The following COL5A2 variants were observed in gnomAD, a reference collection of about 807,000 sequenced individuals.
The protein encoded by COL5A2 is collagen type V alpha 2 chain.
COL5A2 carries 23 observed loss-of-function variants against 208.2 expected under a neutral mutation model. The ratio of observed to expected loss-of-function variants is 0.11; its 90% CI spans 0.08 to 0.16. COL5A2 has a LOEUF of 0.16. Ranked by LOEUF, COL5A2 falls within the 10% of genes least tolerant of loss-of-function variation. The pLI, the probability that COL5A2 is intolerant of heterozygous loss-of-function variation, is 1.00. For synonymous variants in COL5A2, 625 were observed against 628.5 expected (o/e 0.99, Z 0.08); for missense variants, 1,590 against 1,956.4 (o/e 0.81, Z 3.53).
chr2:189,031,908 A>G lies in COL5A2; in HGVS notation c.*2162T>C, dbSNP rs1322904395. 6.6e-6 allele frequency: 1 copy of G among 152,110 alleles called. No individual in the cohort carries two copies. The highest frequency in any genetic ancestry group is 2.4e-5 in the African/African-American group (1 of 41,430). The allele number at this position is 152,110 out of a possible 1,614,324, so 9.4% of individuals were successfully genotyped here. Reference sequence around the variant, plus strand: ...TTGAGAGCTTTGGAATGGTCTGGGCAGGCTTTTATTGGTAGCATTCCCAAA... The same window carrying G: ...TTGAGAGCTTTGGAATGGTCTGGGCGGGCTTTTATTGGTAGCATTCCCAAA... On this transcript the variant is annotated 3_prime_UTR_variant, in exon 54 of 54. Coordinates refer to ENST00000374866, the MANE Select transcript of COL5A2 (RefSeq NM_000393.5).
chr2:189,035,063 A>G lies in COL5A2; in HGVS notation c.4206T>C (p.Thr1402=), dbSNP rs781206503. Residue 1402 remains threonine, a synonymous_variant, in exon 53 of 54, where the codon ACT becomes ACC. Transcript: ENST00000374866. ...ATCCTACACTGTTTTTACAGATGTA[A>G]GTGATGTTCTGGGAGGCTTCTTTTG... ...LLSKEASQNI[T]YICKNSVGYM... is the part of the protein sequence containing the mutation. The G allele has an allele frequency of 4.3e-6, 7 of 1,613,876 alleles. No individual in the cohort carries two copies. In the South Asian group the frequency reaches 7.7e-5, roughly 18 times the overall value.
chr2:189,132,786 T>C (rs1414721560), intron 1 of COL5A2, among the ~76,000 whole-genome samples: 1 of 151,784 alleles, frequency 6.6e-6, no homozygotes, highest in Non-Finnish European at 1.5e-5. Flanking sequence ...CTGGGTGTGG[T>C]AGTGCACACC....
At chr2:189,424,902 C>A in the COL5A2 span, among the ~76,000 whole-genome samples, 38 of 152,260 alleles carry the variant, frequency 2.5e-4, no homozygotes, top group African/African-American at 9.1e-4. Flanking sequence ...TACCTGACTT[C>A]AAGATATATT....
chr2:189,045,964 C>T (rs564955666), intron 45 of COL5A2, 57 bp from the exon 46 acceptor site: 1 of 1,421,286 alleles, frequency 7.0e-7, no homozygotes, highest in South Asian at 1.2e-5. Context: ...CAACAATATT[C>T]CATATGTTCA....
chr2:189,321,514 T>A, the COL5A2 span, among the ~76,000 whole-genome samples: 2 of 152,238 alleles, frequency 1.3e-5, no homozygotes, highest in South Asian at 4.2e-4. Flanking sequence ...GGGGTTGCAA[T>A]CCTAGTCTCT....
chr2:189,084,584 C>G (rs899893149), intron 11 of COL5A2, among the ~76,000 whole-genome samples: 1 of 152,112 alleles, frequency 6.6e-6, no homozygotes, highest in Non-Finnish European at 1.5e-5. Flanking sequence ...ATGGCCTACC[C>G]ATAATTTGAT....
chr2:189,124,507 C>A (rs1375767632), intron 1 of COL5A2, among the ~76,000 whole-genome samples: 1 of 152,102 alleles, frequency 6.6e-6, no homozygotes, highest in Admixed American at 6.6e-5. Flanking sequence ...AAACATGACT[C>A]CGTTCAGCAA....
Position 189,159,866 on chromosome 2 carries a change from C to T in COL5A2, c.97+19642G>A, listed in dbSNP as rs13389070. 3.4e-3 allele frequency among the ~76,000 whole-genome samples: 516 copies of T among 151,548 alleles called. 2 individuals carry two copies. Among genetic ancestry groups the T allele is most frequent in the African/African-American group, 0.012 (486 of 41,300 alleles). ...CTGCACTCCAGCCTGGGTGGCAGAG[C>T]GGGACCCTGTCTCAAAAAATAATAA... On this transcript the variant is annotated intron_variant, in intron 1 of 53. Coordinates refer to ENST00000374866, the MANE Select transcript of COL5A2 (RefSeq NM_000393.5).
At position 189,068,933 on chromosome 2, in the gene COL5A2, G is replaced by A. The variant is rs375969196; in HGVS notation, c.1159-49C>T. The stretch of plus-strand genomic sequence containing the variant: ...TTAATTTAAGAAAAATACGAGAGTG[G>A]CATTGTACAAAGTTGACCGCTTATT... On this transcript the variant is annotated intron_variant, in intron 18 of 53. Coordinates refer to ENST00000374866, the MANE Select transcript of COL5A2 (RefSeq NM_000393.5). 4.7e-6 allele frequency: 6 copies of A among 1,276,320 alleles called. No individual in the cohort carries two copies. The South Asian group carries it at 6.0e-5, about 13-fold the overall frequency. 79.1% of individuals were successfully genotyped at this position (1,276,320 alleles called of 1,614,324 possible).
the COL5A2 span, among the ~76,000 whole-genome samples, chr2:189,322,164 A>C: frequency 1.3e-5 from 2 of 152,242 alleles, no homozygotes; most frequent in Non-Finnish European, 2.9e-5. Context: ...AATCTCTGGG[A>C]CACATTTAAA....
the COL5A2 span, among the ~76,000 whole-genome samples, chr2:189,291,447 G>C: frequency 6.6e-6 from 1 of 152,076 alleles, no homozygotes; most frequent in African/African-American, 2.4e-5. Flanking sequence ...TCATAAAATT[G>C]TGAGACTCAT....
the COL5A2 span, among the ~76,000 whole-genome samples, chr2:189,322,839 C>G: frequency 2.6e-5 from 4 of 152,168 alleles, no homozygotes; most frequent in Non-Finnish European, 4.4e-5. Flanking sequence ...AGGCCAACAT[C>G]ATGATATCAA....
chr2:189,405,266 C>T, the COL5A2 span, among the ~76,000 whole-genome samples: 1 of 151,436 alleles, frequency 6.6e-6, no homozygotes, highest in African/African-American at 2.4e-5. Flanking sequence ...GGGTGTTGCT[C>T]TGTCACCCAG....
the COL5A2 span, among the ~76,000 whole-genome samples, chr2:189,293,113 G>A: frequency 3.3e-5 from 5 of 151,906 alleles, no homozygotes; most frequent in Non-Finnish European, 7.4e-5. Flanking sequence ...GTGGGGTGGG[G>A]GGAGTGGGGA....
the COL5A2 span, among the ~76,000 whole-genome samples, chr2:189,242,879 T>C: frequency 6.6e-6 from 1 of 152,074 alleles, no homozygotes; most frequent in African/African-American, 2.4e-5. Flanking sequence ...CGAGGGTAAG[T>C]AGGAAGGGGC....
intron 17 of COL5A2, among the ~76,000 whole-genome samples, chr2:189,075,021 C>T (rs1346294695): frequency 2.0e-5 from 3 of 152,144 alleles, no homozygotes; most frequent in Admixed American, 2.0e-4. Flanking sequence ...ATATAGCTCT[C>T]GCCTCTCAAT....
At chr2:189,301,112 A>AGGAAGTAGAGGCTGCAGT in the COL5A2 span, among the ~76,000 whole-genome samples, 1 of 151,988 alleles carries the variant, frequency 6.6e-6, no homozygotes, top group Non-Finnish European at 1.5e-5. Context: ...CTTTGAACCC[A>AGGAAGTAGAGGCTGCAGT]GGAAGTAGAG....
intron 50 of COL5A2, among the ~76,000 whole-genome samples, chr2:189,040,674 G>C (rs1266472004): frequency 6.6e-6 from 1 of 151,476 alleles, no homozygotes; most frequent in Non-Finnish European, 1.5e-5. Flanking sequence ...TTTTCTTCCT[G>C]TCTCTAAGGT....
At chr2:189,066,129 G>A (rs1686142938) in intron 23 of COL5A2, among the ~76,000 whole-genome samples, 1 of 152,164 alleles carries the variant, frequency 6.6e-6, no homozygotes, top group African/African-American at 2.4e-5. Flanking sequence ...TGAGGACTAG[G>A]ACCATAGCCT....
Sources: allele counts gnomAD v4.1 joint callset (sites outside exome capture counted in the v4.1 genomes callset), GRCh38; gene constraint gnomAD v4.1.1; transcripts MANE v1.5; gene names NCBI Gene and HGNC (gene_info 2026-07-23, HGNC 2026-07-21).